SLC12A3: variants seen among roughly 807,000 people sequenced by gnomAD.
SLC12A3 encodes the protein Na-Cl cotransporter.
SLC12A3 carries 104 observed loss-of-function variants against 121.0 expected under a neutral mutation model. That is an observed-to-expected ratio of 0.86 (90% CI 0.73 to 1.01). SLC12A3 has a LOEUF of 1.01. SLC12A3 is among the 50% of genes least tolerant of loss of function. The probability of loss-of-function intolerance (pLI) is 0.00; values close to 1 mark genes in which losing one functional copy is unlikely to be tolerated. For missense variants in SLC12A3, 1,328 were observed against 1,356.3 expected, an observed-to-expected ratio of 0.98 and a Z score of 0.33; for synonymous variants, 536 against 533.4, an observed-to-expected ratio of 1.00 and a Z score of -0.07.
In SLC12A3 at chr16:56,894,998, A is replaced by G. The variant is rs539052727; in HGVS notation, c.2633+356A>G. Among the ~76,000 whole-genome samples, 371 of 148,994 alleles carry G rather than the reference A, an allele frequency of 2.5e-3. 8 individuals carry two copies. Among genetic ancestry groups the G allele is most frequent in the Admixed American group, 0.022 (324 of 15,022 alleles). On this transcript the variant is annotated intron_variant, in intron 22 of 25. Coordinates refer to ENST00000563236, the MANE Select transcript of SLC12A3 (RefSeq NM_001126108.2). ...AATCCATTTTTTAAATTTAAAGTTA[A>G]GAAAAGACAAGAAAAATAGAAAAAA... is the stretch of plus-strand genomic sequence containing the variant.
intron 1 of SLC12A3, 107 bp from the exon 2 acceptor site, chr16:56,866,963 C>A: frequency 6.8e-7 from 1 of 1,463,672 alleles, no homozygotes; most frequent in Non-Finnish European, 9.4e-7. Context: ...GCTGAGGGGT[C>A]GGGGGGTGCT....
In SLC12A3 at chr16:56,904,476, G is replaced by C; in HGVS notation, c.2924+14G>C. 6.2e-7 allele frequency: 1 copy of C among 1,612,418 alleles called. No individual in the cohort carries two copies. The highest frequency in any genetic ancestry group is 8.5e-7 in the Non-Finnish European group (1 of 1,178,682). On this transcript the variant is annotated intron_variant, in intron 25 of 25. Transcript: ENST00000563236. Reference sequence around the variant, plus strand: ...TCTCATCGTCATGTAAGTAGTGCCCGGCTGGTGGGAGGACCAGTCTGTCCA... The same window carrying C: ...TCTCATCGTCATGTAAGTAGTGCCCCGCTGGTGGGAGGACCAGTCTGTCCA...
Position 56,865,284 on chromosome 16 carries a change from A to T in SLC12A3, c.49A>T (p.Ser17Cys). 6.2e-7 allele frequency: 1 copy of T among 1,613,936 alleles called. No individual in the cohort carries two copies. Among genetic ancestry groups the T allele is most frequent in the Non-Finnish European group, 8.5e-7 (1 of 1,180,034 alleles). Residue 17 changes from serine (S) to cysteine (C), a missense_variant, in exon 1 of 26, where the codon AGC becomes TGC. Transcript: ENST00000563236. ...TETPGDATLCSGRFTISTLLS... is the reference protein window; with the variant it reads ...TETPGDATLCCGRFTISTLLS... Reference sequence around the variant, plus strand: ...GACGCCTGGGGACGCCACTTTGTGCAGCGGGCGCTTCACCATCAGCACACT... The same window carrying T: ...GACGCCTGGGGACGCCACTTTGTGCTGCGGGCGCTTCACCATCAGCACACT...
At position 56,878,066 on chromosome 16, in the gene SLC12A3, C is replaced by CCCTCCCTCCCTCCCTCTCTCCCTG; in HGVS notation, c.1096-6_1096-5insCTCCCTCCCTCTCTCCCTGCCTCC. On this transcript the variant is annotated splice_polypyrimidine_tract_variant and intron_variant, in intron 8 of 25. Transcript: ENST00000563236. ...TCCCTCCCTCCCTCCCTCTCTCCCT[C>CCCTCCCTCCCTCCCTCTCTCCCTG]CCTCCTTCAGGACCCTGCTATAGCC... is the stretch of plus-strand genomic sequence containing the variant. The CCCTCCCTCCCTCCCTCTCTCCCTG allele has an allele frequency of 8.5e-7, 1 of 1,181,570 alleles. No individual in the cohort carries two copies. Among genetic ancestry groups the CCCTCCCTCCCTCCCTCTCTCCCTG allele is most frequent in the Non-Finnish European group, 1.2e-6 (1 of 828,076 alleles). The allele number at this position is 1,181,570 out of a possible 1,614,324, so 73.2% of individuals were successfully genotyped here.
chr16:56,911,272 C>G (rs1306156540), intron 25 of SLC12A3, among the ~76,000 whole-genome samples: 1 of 152,128 alleles, frequency 6.6e-6, no homozygotes, highest in Non-Finnish European at 1.5e-5. Context: ...ATGAAATGGC[C>G]TTGGTCCAAC....
At chr16:56,889,729 C>A (rs1229729358) in intron 18 of SLC12A3, among the ~76,000 whole-genome samples, 1 of 152,218 alleles carries the variant, frequency 6.6e-6, no homozygotes, top group Non-Finnish European at 1.5e-5. Context: ...CCTGCCTTGA[C>A]CTCCCAAAGT....
At chr16:56,899,229 C>T (rs913145355) in intron 22 of SLC12A3, among the ~76,000 whole-genome samples, 1 of 152,164 alleles carries the variant, frequency 6.6e-6, no homozygotes, top group Non-Finnish European at 1.5e-5. Context: ...TTTTAAAACT[C>T]TCAGGCTGGG....
intron 25 of SLC12A3, among the ~76,000 whole-genome samples, chr16:56,905,533 C>T (rs2055597493): frequency 6.6e-6 from 1 of 152,036 alleles, no homozygotes; most frequent in Non-Finnish European, 1.5e-5. Flanking sequence ...AGACCTGTCA[C>T]CATCTGACCT....
intron 19 of SLC12A3, among the ~76,000 whole-genome samples, chr16:56,891,305 G>A (rs1212979589): frequency 6.8e-6 from 1 of 147,410 alleles, no homozygotes; most frequent in African/African-American, 2.5e-5. Context: ...CCAGGAGTTT[G>A]AGGCTGCAGT....
At position 56,904,451 on chromosome 16, in the gene SLC12A3, T is replaced by G. The variant is rs923057440; in HGVS notation, c.2913T>G (p.Ala971=). 1.9e-6 allele frequency: 3 copies of G among 1,613,784 alleles called. No individual in the cohort carries two copies. The highest frequency in any genetic ancestry group is 2.5e-6 in the Non-Finnish European group (3 of 1,179,748). Residue 971 remains alanine, a synonymous_variant, in exon 25 of 26, where the codon GCT becomes GCG. Transcript: ENST00000563236. The part of the protein sequence containing the change: ...EIVLDYSRDA[A]LIVITLPIGR... ...TGCTGGATTACTCCCGAGACGCTGC[T>G]CTCATCGTCATGTAAGTAGTGCCCG...
In SLC12A3 at chr16:56,904,217, T is replaced by A. The variant is rs35849304; in HGVS notation, c.2857-178T>A. ...TGGAGGAGGTGAGCTTGGTGCTCCA[T>A]TACTCTGAGGGTCCCCTTCTTCCTG... On this transcript the variant is annotated intron_variant, in intron 24 of 25. Transcript: ENST00000563236. The A allele has an allele frequency of 0.01, 6,526 of 638,304 alleles. 318 individuals are homozygous for A. The African/African-American group carries it at 0.1, about 10-fold the overall frequency. The allele number at this position is 638,304 out of a possible 1,614,324, so 39.5% of individuals were successfully genotyped here.
intron 25 of SLC12A3, among the ~76,000 whole-genome samples, chr16:56,908,992 G>A (rs988207593): frequency 6.6e-6 from 1 of 152,226 alleles, no homozygotes; most frequent in African/African-American, 2.4e-5. Context: ...TTAGCCCACT[G>A]TGTGGCCTTG....
At chr16:56,896,395 G>C (rs1401462257) in intron 22 of SLC12A3, among the ~76,000 whole-genome samples, 5 of 152,168 alleles carry the variant, frequency 3.3e-5, no homozygotes, top group African/African-American at 9.7e-5. Flanking sequence ...CTGGTTTATC[G>C]ACATGGGTTT....
At position 56,878,136 on chromosome 16, in the gene SLC12A3, C is replaced by T; in HGVS notation, c.1155C>T (p.Ser385=). 6.2e-7 allele frequency: 1 copy of T among 1,607,090 alleles called. No individual in the cohort carries two copies. The highest frequency in any genetic ancestry group is 8.5e-7 in the Non-Finnish European group (1 of 1,176,582). ...TGGCCATTTTCTGGACGACCATTTC[C>T]TACCTGGCCATCTCAGCCACCATTG... ...TLMAIFWTTI[S]YLAISATIGS... is the part of the protein sequence containing the mutation. Residue 385 remains serine, a synonymous_variant, in exon 9 of 26, where the codon TCC becomes TCT. Coordinates refer to ENST00000563236, the MANE Select transcript of SLC12A3 (RefSeq NM_001126108.2).
intron 22 of SLC12A3, among the ~76,000 whole-genome samples, chr16:56,896,908 A>G (rs916536888): frequency 2.9e-4 from 44 of 152,240 alleles, no homozygotes; most frequent in African/African-American, 1.0e-3. Flanking sequence ...CCTGACCAAT[A>G]TGGTGAAACC....
chr16:56,875,825 A>G (rs1365829750), intron 8 of SLC12A3, among the ~76,000 whole-genome samples: 1 of 140,900 alleles, frequency 7.1e-6, no homozygotes, highest in Non-Finnish European at 1.6e-5. Flanking sequence ...AGTTAGGCAC[A>G]TCCAGGTCCA....
chr16:56,868,243 C>T (rs374027286), intron 2 of SLC12A3, 54 bp from the exon 3 acceptor site: 70 of 1,553,334 alleles, frequency 4.5e-5, no homozygotes, highest in Non-Finnish European at 4.9e-5. Flanking sequence ...AGGGACTTGT[C>T]GTTTGGCCTT....
In SLC12A3 at chr16:56,878,742, TG is replaced by T. The variant is rs1385202276; in HGVS notation, c.1181-329del. ...CCGTTTGAGGCAAGCTGTTCACAAA[TG>T]GCCAAGGGACTTGGTCCAGCTCACA... On this transcript the variant is annotated intron_variant, in intron 9 of 25. Coordinates refer to ENST00000563236, the MANE Select transcript of SLC12A3 (RefSeq NM_001126108.2). Among the ~76,000 whole-genome samples, 5 of 152,242 alleles carry T rather than the reference TG, an allele frequency of 3.3e-5. No individual in the cohort carries two copies. In the East Asian group the frequency reaches 9.7e-4, roughly 29 times the overall value.
intron 17 of SLC12A3, 127 bp from the exon 18 acceptor site, chr16:56,887,798 A>ATATATATATATATATATATATATTT (rs1433682477): frequency 7.3e-5 from 5 of 68,430 alleles, no homozygotes; most frequent in Non-Finnish European, 1.2e-4. Context: ...ATATATATAT[A>ATATATATATATATATATATATATTT]TTTTTTTTTT....
Sources: allele counts gnomAD v4.1 joint callset (sites outside exome capture counted in the v4.1 genomes callset), GRCh38; gene constraint gnomAD v4.1.1; transcripts MANE v1.5; gene names NCBI Gene and HGNC (gene_info 2026-07-23, HGNC 2026-07-21).